PLEKHD1: variants seen among roughly 807,000 people sequenced by gnomAD.
PLEKHD1 encodes pleckstrin homology and coiled-coil domain containing D1, also known as pleckstrin homology domain-containing family D member 1.
PLEKHD1 carries 51 observed loss-of-function variants against 69.2 expected under a neutral mutation model. That is an observed-to-expected ratio of 0.74 (90% CI 0.59 to 0.93). The LOEUF is 0.93. Ranked by LOEUF, PLEKHD1 falls within the 40% of genes least tolerant of loss-of-function variation. The pLI, the probability that PLEKHD1 is intolerant of heterozygous loss-of-function variation, is 0.00. For synonymous variants in PLEKHD1, 236 were observed against 244.7 expected, an observed-to-expected ratio of 0.96 and a Z score of 0.33; for missense variants, 584 against 641.0, an observed-to-expected ratio of 0.91 and a Z score of 0.96.
chr14:69,498,971 C>A (rs1174670570), intron 1 of PLEKHD1, among the ~76,000 whole-genome samples: 1 of 152,092 alleles, frequency 6.6e-6, no homozygotes, highest in Non-Finnish European at 1.5e-5. Context: ...AGTTTTCAAG[C>A]CCCTCACAAG....
At chr14:69,506,672 T>C (rs1883156664) in intron 6 of PLEKHD1, among the ~76,000 whole-genome samples, 1 of 152,164 alleles carries the variant, frequency 6.6e-6, no homozygotes, top group Non-Finnish European at 1.5e-5. Flanking sequence ...ACTGTCAATA[T>C]CCAGCACCAC....
At position 69,484,834 on chromosome 14, in the gene PLEKHD1, T is replaced by TCCGGG. The variant is rs1882616782; in HGVS notation, c.-123_-119dup. ...GCCCAGCGCGCTTTGATGCTGCAGC[T>TCCGGG]CCGGGCCGGGCCGCTCTGCTTCTCT... On this transcript the variant is annotated 5_prime_UTR_variant, in exon 1 of 13. An upstream open reading frame in the 5' UTR gains an earlier in-frame stop. Coordinates refer to ENST00000322564, the MANE Select transcript of PLEKHD1 (RefSeq NM_001161498.2). 5.4e-6 allele frequency: 6 copies of TCCGGG among 1,119,106 alleles called. No individual in the cohort carries two copies. The South Asian group carries it at 6.3e-5, about 12-fold the overall frequency. The allele number at this position is 1,119,106 out of a possible 1,614,324, so 69.3% of individuals were successfully genotyped here.
intron 7 of PLEKHD1, among the ~76,000 whole-genome samples, chr14:69,523,539 C>T (rs575956036): frequency 6.6e-6 from 1 of 152,244 alleles, no homozygotes; most frequent in African/African-American, 2.4e-5. Context: ...AGTCCACTCC[C>T]TTGAAGAGTG....
In PLEKHD1 at chr14:69,484,806, AGT is replaced by A; in HGVS notation, c.-158_-157del. On this transcript the variant is annotated 5_prime_UTR_variant, in exon 1 of 13. Transcript: ENST00000322564. The stretch of plus-strand genomic sequence containing the variant: ...CCTGCGCCCCCTTGGTGCCGCGTCC[AGT>A]GCCCAGCGCGCTTTGATGCTGCAGC... 5.0e-6 allele frequency: 4 copies of A among 800,634 alleles called. No individual in the cohort carries two copies. Among genetic ancestry groups the A allele is most frequent in the Non-Finnish European group, 7.5e-6 (4 of 530,460 alleles). The allele number at this position is 800,634 out of a possible 1,614,324, so 49.6% of individuals were successfully genotyped here.
chr14:69,500,239 G>T lies in PLEKHD1; in HGVS notation c.243+31G>T, dbSNP rs187144847. The T allele has an allele frequency of 1.0e-4, 150 of 1,482,558 alleles. No homozygotes were observed. In the African/African-American group the frequency reaches 1.8e-3, roughly 18 times the overall value. 91.8% of individuals were successfully genotyped at this position (1,482,558 alleles called of 1,614,324 possible). ...GCGGCCCCTCCCAGGGCCACAGCAG[G>T]GGAGGGCCCAGTGCGGGCATCAGAG... On this transcript the variant is annotated intron_variant, in intron 2 of 12. Transcript: ENST00000322564.
rs2139537555 is a variant in PLEKHD1, at chr14:69,528,960, C to G, written c.*541C>G. The stretch of plus-strand genomic sequence containing the variant: ...GCAAAATGTCCCTCAGCTGAGACCC[C>G]TCATTTACACCACATCATGCTGTGC... On this transcript the variant is annotated 3_prime_UTR_variant, in exon 13 of 13. Transcript: ENST00000322564. 1 of 155,328 alleles carries G rather than the reference C, an allele frequency of 6.4e-6. No individual in the cohort carries two copies. The highest frequency in any genetic ancestry group is 6.3e-5 in the Admixed American group (1 of 15,896). The allele number at this position is 155,328 out of a possible 1,614,324, so 9.6% of individuals were successfully genotyped here.
chr14:69,524,837 G>T (rs1405079441), intron 8 of PLEKHD1, among the ~76,000 whole-genome samples: 1 of 152,050 alleles, frequency 6.6e-6, no homozygotes, highest in Admixed American at 6.6e-5. Context: ...TCTGGCCCTG[G>T]TCTCCCCTTC....
chr14:69,494,257 C>T (rs61982429), intron 1 of PLEKHD1, among the ~76,000 whole-genome samples: 15,644 of 152,124 alleles, frequency 0.1, 1,064 homozygotes, highest in East Asian at 0.14. Context: ...TCAAGTTGCA[C>T]GGTGGGGACC....
At chr14:69,507,928 G>T (rs562863345) in intron 6 of PLEKHD1, among the ~76,000 whole-genome samples, 11 of 152,000 alleles carry the variant, frequency 7.2e-5, no homozygotes, top group Non-Finnish European at 1.6e-4. Context: ...GAACTCCTGA[G>T]ATCAAGTGAT....
intron 6 of PLEKHD1, among the ~76,000 whole-genome samples, chr14:69,506,544 G>T (rs1343804112): frequency 6.6e-6 from 1 of 152,234 alleles, no homozygotes; most frequent in Non-Finnish European, 1.5e-5. Flanking sequence ...GAGAAAGGAA[G>T]TGAGAATTTC....
chr14:69,500,773 A>G, intron 3 of PLEKHD1, 98 bp from the exon 4 acceptor site: 1 of 1,521,718 alleles, frequency 6.6e-7, no homozygotes, highest in Non-Finnish European at 8.9e-7. Flanking sequence ...GGGCATCAGC[A>G]CCCAGGGATG....
intron 9 of PLEKHD1, 136 bp from the exon 10 acceptor site, chr14:69,526,561 A>G (rs1461567490): frequency 9.3e-7 from 1 of 1,071,860 alleles, no homozygotes. Flanking sequence ...GGGTGCCTGG[A>G]CCCACAAAGT....
intron 6 of PLEKHD1, among the ~76,000 whole-genome samples, chr14:69,519,147 T>C (rs1267597283): frequency 1.3e-5 from 2 of 152,102 alleles, no homozygotes; most frequent in Non-Finnish European, 2.9e-5. Flanking sequence ...AACGCTCTCA[T>C]TGAAGCCCCA....
At chr14:69,522,412 AAGTT>A (rs1456743246) in intron 7 of PLEKHD1, 35 bp downstream of exon 7, 5 of 1,547,700 alleles carry the variant, frequency 3.2e-6, no homozygotes, top group Non-Finnish European at 4.4e-6. Flanking sequence ...GGGTGCCACT[AAGTT>A]AGGGCATGCA....
chr14:69,527,089 C>T (rs147635484), intron 10 of PLEKHD1, 99 bp from the exon 11 acceptor site: 28,762 of 1,383,538 alleles, frequency 0.021, 1,185 homozygotes, highest in South Asian at 0.16. Flanking sequence ...CTCCCATCCA[C>T]GCCCATTGAG....
intron 6 of PLEKHD1, among the ~76,000 whole-genome samples, chr14:69,511,781 C>A (rs546300233): frequency 6.6e-6 from 1 of 152,174 alleles, no homozygotes; most frequent in Admixed American, 6.5e-5. Context: ...AAACTCCTGG[C>A]CTCAAGTGAT....
intron 12 of PLEKHD1, 138 bp downstream of exon 12, chr14:69,528,070 C>A: frequency 1.4e-6 from 2 of 1,453,424 alleles, no homozygotes; most frequent in South Asian, 1.3e-5. Context: ...CTTGGGCAAA[C>A]GGGTGAATTC....
chr14:69,479,983 C>T (rs568595027), upstream of PLEKHD1, among the ~76,000 whole-genome samples: 2 of 152,242 alleles, frequency 1.3e-5, no homozygotes, highest in East Asian at 1.9e-4. Flanking sequence ...GAGGACAAAC[C>T]GATTCAGTAA....
At chr14:69,512,630 T>G (rs2139517806) in intron 6 of PLEKHD1, among the ~76,000 whole-genome samples, 1 of 152,346 alleles carries the variant, frequency 6.6e-6, no homozygotes, top group Middle Eastern at 3.4e-3. Flanking sequence ...TGATATTTCT[T>G]CTTTGACACA....
Sources: allele counts gnomAD v4.1 joint callset (sites outside exome capture counted in the v4.1 genomes callset), GRCh38; gene constraint gnomAD v4.1.1; transcripts MANE v1.5; gene names NCBI Gene and HGNC (gene_info 2026-07-23, HGNC 2026-07-21).